The following GCSH variants were observed in gnomAD, a reference collection of about 807,000 sequenced individuals.
GCSH encodes glycine cleavage system H protein, mitochondrial.
Under a neutral mutation model 21.3 loss-of-function variants are expected in GCSH, and 15 were observed. That is an observed-to-expected ratio of 0.70 (90% CI 0.47 to 1.08). GCSH has a LOEUF of 1.08. Among genes scored for constraint, GCSH ranks in the 50% least tolerant of loss-of-function variants. The probability of loss-of-function intolerance (pLI) is 0.00; values close to 1 mark genes in which losing one functional copy is unlikely to be tolerated. For synonymous variants in GCSH, 59 were observed against 84.5 expected, an observed-to-expected ratio of 0.70 and a Z score of 1.66; for missense variants, 179 against 217.5, an observed-to-expected ratio of 0.82 and a Z score of 1.11.
chr16:81,094,165 G>A lies in GCSH; in HGVS notation c.148+1966C>T, dbSNP rs150785164. The stretch of plus-strand genomic sequence containing the variant: ...TCCGCCCGCCTCAGCCTCCCAAAGT[G>A]CTGGGATTAAAGGCATGAGCCACCG... On this transcript the variant is annotated intron_variant, in intron 1 of 4. Transcript: ENST00000315467. 8.3e-3 allele frequency among the ~76,000 whole-genome samples: 1,266 copies of A among 152,250 alleles called. 21 individuals carry two copies. The highest frequency in any genetic ancestry group is 0.058 in the East Asian group (299 of 5,170).
chr16:81,089,603 C>T (rs1036091129), intron 2 of GCSH, among the ~76,000 whole-genome samples: 4 of 152,096 alleles, frequency 2.6e-5, no homozygotes, highest in Non-Finnish European at 4.4e-5. Context: ...ACGCAATCCC[C>T]GAGGAGGCAG....
At chr16:81,085,340 A>G (rs368638643) in intron 3 of GCSH, among the ~76,000 whole-genome samples, 10 of 152,220 alleles carry the variant, frequency 6.6e-5, no homozygotes, top group East Asian at 3.9e-4. Flanking sequence ...AAATAAAACC[A>G]TAAGTTTTGT....
At chr16:81,087,734 G>T in intron 2 of GCSH, 70 bp from the exon 3 acceptor site, 2 of 991,316 alleles carry the variant, frequency 2.0e-6, no homozygotes, top group Non-Finnish European at 3.2e-6. Context: ...AACAGAATAA[G>T]CCAAACACTG....
At chr16:81,094,858 A>C (rs1458111837) in intron 1 of GCSH, among the ~76,000 whole-genome samples, 1 of 152,162 alleles carries the variant, frequency 6.6e-6, no homozygotes, top group African/African-American at 2.4e-5. Flanking sequence ...GCACTTTGGG[A>C]GGCTGAGGCG....
At chr16:81,089,369 G>C (rs940476999) in intron 2 of GCSH, among the ~76,000 whole-genome samples, 28 of 152,110 alleles carry the variant, frequency 1.8e-4, no homozygotes, top group African/African-American at 6.8e-4. Flanking sequence ...CAGATTTTTG[G>C]AGTATTTCAG....
chr16:81,094,972 G>A (rs1318603147), intron 1 of GCSH, among the ~76,000 whole-genome samples: 1 of 151,840 alleles, frequency 6.6e-6, no homozygotes, highest in Non-Finnish European at 1.5e-5. Flanking sequence ...GGGCGCCAGT[G>A]AACCCAGCTA....
At chr16:81,092,460 G>A (rs903811778) in intron 1 of GCSH, among the ~76,000 whole-genome samples, 1 of 152,132 alleles carries the variant, frequency 6.6e-6, no homozygotes, top group Non-Finnish European at 1.5e-5. Flanking sequence ...CATGTCGCAG[G>A]CCAGGCACAG....
At chr16:81,085,840 A>G (rs956047883) in intron 3 of GCSH, among the ~76,000 whole-genome samples, 1 of 152,050 alleles carries the variant, frequency 6.6e-6, no homozygotes, top group African/African-American at 2.4e-5. Context: ...AGCCTTGGTG[A>G]CAGTGTGAGA....
intron 1 of GCSH, among the ~76,000 whole-genome samples, chr16:81,092,876 A>C (rs1404720371): frequency 1.3e-5 from 2 of 151,922 alleles, no homozygotes; most frequent in African/African-American, 4.8e-5. Flanking sequence ...TCATGCCTGC[A>C]ATCCCAGCAC....
intron 1 of GCSH, among the ~76,000 whole-genome samples, chr16:81,091,727 A>G (rs1034996044): frequency 2.6e-5 from 4 of 152,254 alleles, no homozygotes; most frequent in East Asian, 1.9e-4. Context: ...ACAGCATTCA[A>G]TTGCTTTGGT....
chr16:81,084,925 T>A (rs1358403347), intron 3 of GCSH, among the ~76,000 whole-genome samples: 1 of 150,472 alleles, frequency 6.6e-6, no homozygotes. Context: ...CTGTGTTAGC[T>A]AGGATGGTCT....
At position 81,082,148 on chromosome 16, in the gene GCSH, C is replaced by G. The variant is rs115497228; in HGVS notation, c.*718G>C. The stretch of plus-strand genomic sequence containing the variant: ...TTATTTTTTATTATGTTAAAGGTGA[C>G]AGATCTTGGCTTAAGAAAAACCAGA... On this transcript the variant is annotated 3_prime_UTR_variant, in exon 5 of 5. Coordinates refer to ENST00000315467, the MANE Select transcript of GCSH (RefSeq NM_004483.5). 8.4e-5 allele frequency: 38 copies of G among 454,020 alleles called. No individual in the cohort carries two copies. Among genetic ancestry groups the G allele is most frequent in the African/African-American group, 7.2e-4 (36 of 50,102 alleles). The allele number at this position is 454,020 out of a possible 1,614,324, so 28.1% of individuals were successfully genotyped here. A position where few individuals can be genotyped will look rare whatever the true frequency, so the allele number is the denominator to read the frequency against.
chr16:81,084,922 A>G (rs1235909596), intron 3 of GCSH, among the ~76,000 whole-genome samples: 1 of 150,542 alleles, frequency 6.6e-6, no homozygotes, highest in Non-Finnish European at 1.5e-5. Flanking sequence ...TCACTGTGTT[A>G]GCTAGGATGG....
chr16:81,083,692 A>G (rs1972215025), intron 4 of GCSH: 1 of 152,630 alleles, frequency 6.6e-6, no homozygotes, highest in African/African-American at 2.4e-5. Context: ...TTTGCCATTT[A>G]TCAGCCATGA....
At chr16:81,089,855 T>C (rs1972363061) in intron 2 of GCSH, among the ~76,000 whole-genome samples, 1 of 152,176 alleles carries the variant, frequency 6.6e-6, no homozygotes, top group South Asian at 2.1e-4. Flanking sequence ...GTTTTCTTTC[T>C]TCCCGTCCTC....
chr16:81,088,104 C>T (rs759407592), intron 2 of GCSH, among the ~76,000 whole-genome samples: 3 of 151,882 alleles, frequency 2.0e-5, no homozygotes, highest in Non-Finnish European at 2.9e-5. Flanking sequence ...CCAGCCTTGG[C>T]GACAGAGCAA....
chr16:81,090,096 C>CTTTTT (rs112174861), intron 2 of GCSH, among the ~76,000 whole-genome samples: 341 of 146,192 alleles, frequency 2.3e-3, no homozygotes, highest in African/African-American at 7.4e-3. Context: ...TTCTTTCTTT[C>CTTTTT]TTTTTTTTTT....
At chr16:81,094,757 G>A (rs1972465785) in intron 1 of GCSH, among the ~76,000 whole-genome samples, 2 of 150,884 alleles carry the variant, frequency 1.3e-5, no homozygotes, top group African/African-American at 4.9e-5. Flanking sequence ...ACTGATCTAC[G>A]CAATCGAAGC....
chr16:81,096,154 C>G lies in GCSH; in HGVS notation c.125G>C (p.Arg42Pro). The change falls in exon 1 of 5, where the codon CGC becomes CCC. Residue 42 changes from arginine to proline, a missense_variant. Physicochemically the swap from Arg to Pro is moderately radical, Grantham distance 103. Coordinates refer to ENST00000315467, the MANE Select transcript of GCSH (RefSeq NM_004483.5). ...QLGVGAVRTL[R>P]TGPALLSVRK... Reference sequence around the variant, plus strand: ...ACCCGAGAGCAGAGCGGGTCCAGTGCGCAGCGTACGGACGGCGCCCACCCC... The same window carrying G: ...ACCCGAGAGCAGAGCGGGTCCAGTGGGCAGCGTACGGACGGCGCCCACCCC... 1 of 1,310,910 alleles carries G rather than the reference C, an allele frequency of 7.6e-7. No homozygotes were observed. The highest frequency in any genetic ancestry group is 2.3e-5 in the South Asian group (1 of 43,978). The allele number at this position is 1,310,910 out of a possible 1,614,324, so 81.2% of individuals were successfully genotyped here.
Sources: allele counts gnomAD v4.1 joint callset (sites outside exome capture counted in the v4.1 genomes callset), GRCh38; gene constraint gnomAD v4.1.1; transcripts MANE v1.5; gene names NCBI Gene and HGNC (gene_info 2026-07-23, HGNC 2026-07-21).